The following XKR8 variants were observed in gnomAD, a reference collection of about 807,000 sequenced individuals.
XKR8 encodes the protein XK-related protein 8.
Under a neutral mutation model 17.1 loss-of-function variants are expected in XKR8, and 10 were observed. That is an observed-to-expected ratio of 0.59 (90% CI 0.36 to 0.99). The LOEUF (loss-of-function observed/expected upper bound fraction) is 0.99, where lower values mean the gene tolerates loss of function less well. XKR8 is among the 50% of genes least tolerant of loss of function. The pLI, the probability that XKR8 is intolerant of heterozygous loss-of-function variation, is 0.01. For synonymous variants in XKR8, 213 were observed against 251.9 expected (o/e 0.85, Z 1.46); for missense variants, 411 against 515.6 (o/e 0.80, Z 1.96).
Position 27,966,733 on chromosome 1 carries a change from C to A in XKR8, c.721C>A (p.Leu241Met). Reference sequence around the variant, plus strand: ...CTTCCTGGGCCTGTGGCTGGTACTGCTGCTCTGGGTCTGGCTTCAGGGCAC... The same window carrying A: ...CTTCCTGGGCCTGTGGCTGGTACTGATGCTCTGGGTCTGGCTTCAGGGCAC... ...LHFLGLWLVL[L>M]LWVWLQGTDF... The change falls in exon 3 of 3, where the codon CTG becomes ATG. Residue 241 changes from leucine (L) to methionine (M), a missense_variant. Coordinates refer to ENST00000373884, the MANE Select transcript of XKR8 (RefSeq NM_018053.4). This position sits in a 1 kb window ranked among gnomAD's most constrained non-coding sequence, Gnocchi z 4.3. 1 of 1,614,162 alleles carries A rather than the reference C, an allele frequency of 6.2e-7. No homozygotes were observed. Among genetic ancestry groups the A allele is most frequent in the Non-Finnish European group, 8.5e-7 (1 of 1,180,016 alleles).
intron 2 of XKR8, among the ~76,000 whole-genome samples, chr1:27,964,791 C>T (rs1638536944): frequency 1.3e-5 from 2 of 152,070 alleles, no homozygotes; most frequent in South Asian, 4.1e-4. Context: ...TGGACAGTGG[C>T]CAAGCTAAAG....
Position 27,963,558 on chromosome 1 carries a change from G to C in XKR8, c.355G>C (p.Asp119His). Residue 119 changes from aspartate (D) to histidine (H), a missense_variant, in exon 2 of 3, where the codon GAC (aspartate) becomes CAC (histidine). Coordinates refer to ENST00000373884, the MANE Select transcript of XKR8 (RefSeq NM_018053.4). ...GCAGCAGGAGGAGCCCTCTGAGTTT[G>C]ACTTGGCCTACGCCGACTTCCTCGC... ...VWQQEEPSEF[D>H]LAYADFLALD... The C allele has an allele frequency of 6.2e-7, 1 of 1,614,112 alleles. No individual in the cohort carries two copies. Among genetic ancestry groups the C allele is most frequent in the Middle Eastern group, 1.7e-4 (1 of 6,056 alleles).
In XKR8 at chr1:27,967,111, C is replaced by A; in HGVS notation, c.1099C>A (p.Gln367Lys). 1 of 1,613,336 alleles carries A rather than the reference C, an allele frequency of 6.2e-7. No homozygotes were observed. Among genetic ancestry groups the A allele is most frequent in the South Asian group, 1.1e-5 (1 of 90,990 alleles). Reference sequence around the variant, plus strand: ...GAGTCTGCTTTCTCCAGAGGGGTATCAGCTGCCTCAGAACAGGCGCATGAC... The same window carrying A: ...GAGTCTGCTTTCTCCAGAGGGGTATAAGCTGCCTCAGAACAGGCGCATGAC... ...ARSLLSPEGY[Q>K]LPQNRRMTHL... The change falls in exon 3 of 3, where the codon CAG (glutamine) becomes AAG (lysine). Residue 367 changes from glutamine (Q) to lysine (K), a missense_variant. Transcript: ENST00000373884. The surrounding 1 kb of genome is among the most constrained non-coding windows in gnomAD (Gnocchi z 4.3).
At position 27,960,242 on chromosome 1, in the gene XKR8, T is replaced by C; in HGVS notation, c.173T>C (p.Val58Ala). 6.6e-7 allele frequency: 1 copy of C among 1,526,162 alleles called. No homozygotes were observed. The highest frequency in any genetic ancestry group is 8.7e-7 in the Non-Finnish European group (1 of 1,143,504). The allele number at this position is 1,526,162 out of a possible 1,614,324, so 94.5% of individuals were successfully genotyped here. A position where few individuals can be genotyped will look rare whatever the true frequency, so the allele number is the denominator to read the frequency against. ...LVLALLGLAS[V>A]ALQLFSWLWL... is the part of the protein sequence containing the mutation. ...CTGGCGCTGCTGGGCCTGGCCTCCGTGGCGCTGCAGCTCTTCAGCTGGCTC... is the reference window on the plus strand; with the variant it reads ...CTGGCGCTGCTGGGCCTGGCCTCCGCGGCGCTGCAGCTCTTCAGCTGGCTC... The change falls in exon 1 of 3, where the codon GTG becomes GCG. Residue 58 changes from valine (V) to alanine (A), a missense_variant. Transcript: ENST00000373884. The surrounding 1 kb of genome is among the most constrained non-coding windows in gnomAD (Gnocchi z 5.9).
At chr1:27,962,021 C>G (rs1302419011) in intron 1 of XKR8, among the ~76,000 whole-genome samples, 4 of 152,192 alleles carry the variant, frequency 2.6e-5, no homozygotes. Context: ...ATCCCTCCTT[C>G]CAATCTAACC....
At position 27,967,126 on chromosome 1, in the gene XKR8, A is replaced by G. The variant is rs1388361869; in HGVS notation, c.1114A>G (p.Arg372Gly). The G allele has an allele frequency of 1.2e-6, 2 of 1,610,976 alleles. No individual in the cohort carries two copies. Among genetic ancestry groups the G allele is most frequent in the African/African-American group, 1.3e-5 (1 of 74,988 alleles). Residue 372 changes from arginine (R) to glycine (G), a missense_variant, in exon 3 of 3, where the codon AGG becomes GGG. Physicochemically the swap from Arg to Gly is moderately radical, Grantham distance 125. Transcript: ENST00000373884. This position sits in a 1 kb window ranked among gnomAD's most constrained non-coding sequence, Gnocchi z 4.3. ...SPEGYQLPQNRRMTHLAQKFF... is the reference protein window; with the variant it reads ...SPEGYQLPQNGRMTHLAQKFF... ...AGAGGGGTATCAGCTGCCTCAGAAC[A>G]GGCGCATGACCCATTTAGCACAGAA...
Position 27,960,100 on chromosome 1 carries a change from C to A in XKR8, c.31C>A (p.Arg11=). 6.7e-7 allele frequency: 1 copy of A among 1,486,404 alleles called. No homozygotes were observed. 92.1% of individuals were successfully genotyped at this position (1,486,404 alleles called of 1,614,324 possible). The part of the protein sequence containing the change: MPWSSRGALL[R]DLVLGVLGTA... ...CTGGTCGTCCCGCGGCGCCCTCCTT[C>A]GGGACCTGGTCCTGGGCGTGCTGGG... The change falls in exon 1 of 3, where the codon CGG becomes AGG. Residue 11 remains arginine (R), a synonymous_variant. Transcript: ENST00000373884. This position sits in a 1 kb window ranked among gnomAD's most constrained non-coding sequence, Gnocchi z 5.9.
At chr1:27,963,317 G>C (rs1239776305) in intron 1 of XKR8, among the ~76,000 whole-genome samples, 180 bp from the exon 2 acceptor site, 1 of 152,222 alleles carries the variant, frequency 6.6e-6, no homozygotes, top group African/African-American at 2.4e-5. Flanking sequence ...ACCACACCCG[G>C]CCTCGATCCT....
In XKR8 at chr1:27,967,091, T is replaced by C. The variant is rs1281875170; in HGVS notation, c.1079T>C (p.Leu360Pro). ...DPDQVDGARS[L>P]LSPEGYQLPQ... ...GACCAGGTAGACGGGGCCCGGAGTC[T>C]GCTTTCTCCAGAGGGGTATCAGCTG... Residue 360 changes from leucine to proline, a missense_variant, in exon 3 of 3, where the codon CTG becomes CCG. Leu to Pro is a moderately conservative substitution (Grantham distance 98). Coordinates refer to ENST00000373884, the MANE Select transcript of XKR8 (RefSeq NM_018053.4). This position sits in a 1 kb window ranked among gnomAD's most constrained non-coding sequence, Gnocchi z 4.3. The C allele has an allele frequency of 4.3e-6, 7 of 1,613,946 alleles. No homozygotes were observed. The Admixed American group carries it at 1.2e-4, about 27-fold the overall frequency.
At position 27,960,756 on chromosome 1, in the gene XKR8, T is replaced by C. The variant is rs1471781177; in HGVS notation, c.293+394T>C. On this transcript the variant is annotated intron_variant, in intron 1 of 2. Transcript: ENST00000373884. The surrounding 1 kb of genome is among the most constrained non-coding windows in gnomAD (Gnocchi z 5.9). ...GAGACAGGTGTGACGGGCAGGCCTG[T>C]TGTGAAGAGTGAGCGAAAGAATGAG... Among the ~76,000 whole-genome samples the C allele has an allele frequency of 2.0e-5, 3 of 152,108 alleles. No individual in the cohort carries two copies. Among genetic ancestry groups the C allele is most frequent in the African/African-American group, 7.2e-5 (3 of 41,420 alleles).
At chr1:27,963,743 C>T (rs1489196636) in intron 2 of XKR8, 50 bp downstream of exon 2, 2 of 1,452,332 alleles carry the variant, frequency 1.4e-6, no homozygotes, top group South Asian at 2.8e-5. Context: ...GGTGGGGGGT[C>T]TCTCAAATGT....
chr1:27,965,991 C>T lies in XKR8; in HGVS notation c.491-512C>T, dbSNP rs1638560979. Among the ~76,000 whole-genome samples, 2 of 152,170 alleles carry T rather than the reference C, an allele frequency of 1.3e-5. No individual in the cohort carries two copies. The highest frequency in any genetic ancestry group is 3.2e-3 in the Middle Eastern group (1 of 316). On this transcript the variant is annotated intron_variant, in intron 2 of 2. Transcript: ENST00000373884. The surrounding 1 kb of genome is among the most constrained non-coding windows in gnomAD (Gnocchi z 4.1). ...GAGGGGAGGGGAGTGGGGAGACCTT[C>T]TGTCCACACAGCAGGGACATCTCTC...
intron 1 of XKR8, among the ~76,000 whole-genome samples, chr1:27,962,940 G>T (rs1447717304): frequency 4.6e-5 from 7 of 152,184 alleles, no homozygotes; most frequent in African/African-American, 1.7e-4. Flanking sequence ...ATGGGCTTTT[G>T]TGAGAAGTAA....
chr1:27,962,031 C>T (rs1376315407), intron 1 of XKR8, among the ~76,000 whole-genome samples: 1 of 152,210 alleles, frequency 6.6e-6, no homozygotes, highest in Non-Finnish European at 1.5e-5. Context: ...CCAATCTAAC[C>T]CTCCTCCAGC....
chr1:27,966,851 G>T lies in XKR8; in HGVS notation c.839G>T (p.Arg280Leu). 1 of 1,613,972 alleles carries T rather than the reference G, an allele frequency of 6.2e-7. No homozygotes were observed. Among genetic ancestry groups the T allele is most frequent in the Non-Finnish European group, 8.5e-7 (1 of 1,179,948 alleles). ...YFSWFNVAEG[R>L]TRGRAIIHFA... The stretch of plus-strand genomic sequence containing the variant: ...TCCTGGTTCAACGTGGCTGAGGGCC[G>T]CACCCGAGGCCGGGCCATCATCCAC... Residue 280 changes from arginine (R) to leucine (L), a missense_variant, in exon 3 of 3, where the codon CGC becomes CTC. Coordinates refer to ENST00000373884, the MANE Select transcript of XKR8 (RefSeq NM_018053.4). This position sits in a 1 kb window ranked among gnomAD's most constrained non-coding sequence, Gnocchi z 4.3.
chr1:27,967,105 G>A lies in XKR8; in HGVS notation c.1093G>A (p.Gly365Arg), dbSNP rs1557507782. The change falls in exon 3 of 3, where the codon GGG (glycine) becomes AGG (arginine). Residue 365 changes from glycine to arginine, a missense_variant. Physicochemically the swap from Gly to Arg is moderately radical, Grantham distance 125. Transcript: ENST00000373884. The surrounding 1 kb of genome is among the most constrained non-coding windows in gnomAD (Gnocchi z 4.3). ...GGCCCGGAGTCTGCTTTCTCCAGAG[G>A]GGTATCAGCTGCCTCAGAACAGGCG... is the stretch of plus-strand genomic sequence containing the variant. Reference protein sequence around the residue: ...DGARSLLSPEGYQLPQNRRMT... With the variant: ...DGARSLLSPERYQLPQNRRMT... The A allele has an allele frequency of 1.2e-5, 19 of 1,613,572 alleles. No homozygotes were observed. Among genetic ancestry groups the A allele is most frequent in the Non-Finnish European group, 1.4e-5 (16 of 1,179,596 alleles).
chr1:27,966,516 C>A lies in XKR8; in HGVS notation c.504C>A (p.Cys168Ter). Residue 168 changes from cysteine to a stop codon, truncating the protein, a stop_gained, in exon 3 of 3, where the codon TGC becomes TGA. Coordinates refer to ENST00000373884, the MANE Select transcript of XKR8 (RefSeq NM_018053.4). LOFTEE classifies it low-confidence loss of function (END_TRUNC). The surrounding 1 kb of genome is among the most constrained non-coding windows in gnomAD (Gnocchi z 4.3). ...TACTCTTTGCAGGGGTTGGCATCTG[C>A]ACATCCTTCCTGGGCATCTCGTGGG... ...RAEYYQWVGI[C>*]TSFLGISWAL... 1 of 1,612,636 alleles carries A rather than the reference C, an allele frequency of 6.2e-7. No individual in the cohort carries two copies. Among genetic ancestry groups the A allele is most frequent in the Non-Finnish European group, 8.5e-7 (1 of 1,179,118 alleles).
Position 27,965,837 on chromosome 1 carries a change from C to T in XKR8, c.491-666C>T, listed in dbSNP as rs1336416137. On this transcript the variant is annotated intron_variant, in intron 2 of 2. Coordinates refer to ENST00000373884, the MANE Select transcript of XKR8 (RefSeq NM_018053.4). This position sits in a 1 kb window ranked among gnomAD's most constrained non-coding sequence, Gnocchi z 4.1. ...ACGTGCCGGTGCCACTTCCATCCCT[C>T]CCTGGAGGCCCTTGTGCTTCTGCTC... 7.2e-5 allele frequency among the ~76,000 whole-genome samples: 11 copies of T among 152,134 alleles called. No individual in the cohort carries two copies. The highest frequency in any genetic ancestry group is 1.2e-4 in the Non-Finnish European group (8 of 68,020).
rs1468622997 is a variant in XKR8, at chr1:27,960,291, C to T, written c.222C>T (p.Gly74=). The change falls in exon 1 of 3, where the codon GGC becomes GGT. Residue 74 remains glycine, a synonymous_variant. Coordinates refer to ENST00000373884, the MANE Select transcript of XKR8 (RefSeq NM_018053.4). The surrounding 1 kb of genome is among the most constrained non-coding windows in gnomAD (Gnocchi z 5.9). ...SWLWLRADPA[G]LHGSQPPRRC... The stretch of plus-strand genomic sequence containing the variant: ...TCTGGCTGCGCGCTGACCCTGCCGG[C>T]CTGCACGGGTCGCAGCCCCCGCGCC... The T allele has an allele frequency of 6.7e-7, 1 of 1,491,596 alleles. No individual in the cohort carries two copies. The highest frequency in any genetic ancestry group is 8.9e-7 in the Non-Finnish European group (1 of 1,127,076). 92.4% of individuals were successfully genotyped at this position (1,491,596 alleles called of 1,614,324 possible).
Sources: gnomAD v4.1 joint callset for allele counts (sites outside exome capture counted in the v4.1 genomes callset) on GRCh38, gnomAD v4.1.1 for gene constraint, Gnocchi (gnomAD v3.1) non-coding constraint, MANE v1.5 for transcripts, NCBI Gene and HGNC (gene_info 2026-07-23, HGNC 2026-07-21) for gene names.